GNAS-AS1: variants seen among roughly 807,000 people sequenced by gnomAD.
GNAS-AS1 encodes the protein GNAS antisense RNA 1, also known as GNAS antisense RNA 1 (non-protein coding).
intron 4 of GNAS-AS1, chr20:58,839,803 CTT>C (rs2085652892): frequency 1.7e-6 from 1 of 585,572 alleles, no homozygotes; most frequent in South Asian, 2.1e-5. Flanking sequence ...TCTCTCGAGT[CTT>C]AGGCTGCGGA....
intron 4 of GNAS-AS1, among the ~76,000 whole-genome samples, chr20:58,820,219 C>T (rs766689182): frequency 5.3e-5 from 8 of 152,250 alleles, no homozygotes; most frequent in East Asian, 1.9e-4. Context: ...AGGTGCTGAC[C>T]GCTGAGCCAC....
At chr20:58,845,147 G>T (rs1322815412) in intron 2 of GNAS-AS1, among the ~76,000 whole-genome samples, 1 of 152,170 alleles carries the variant, frequency 6.6e-6, no homozygotes, top group Non-Finnish European at 1.5e-5. Context: ...ACTGCAGCTT[G>T]GAGAGGCTAA....
chr20:58,830,480 AC>A (rs1438053020), intron 4 of GNAS-AS1, among the ~76,000 whole-genome samples: 3 of 66,104 alleles, frequency 4.5e-5, no homozygotes, highest in Non-Finnish European at 3.0e-5. Context: ...CACCATCATC[AC>A]CATCACCACC....
chr20:58,823,942 A>G, intron 4 of GNAS-AS1: 1 of 398,566 alleles, frequency 2.5e-6, no homozygotes. Context: ...GGTCCAGCAC[A>G]ATGCCCAGCA....
chr20:58,823,582 CAA>C (rs2085500618), intron 4 of GNAS-AS1, among the ~76,000 whole-genome samples: 1 of 152,254 alleles, frequency 6.6e-6, no homozygotes, highest in African/African-American at 2.4e-5. Flanking sequence ...TAATACAGTG[CAA>C]AGAGGCCCAG....
chr20:58,848,493 C>T (rs1367239549), intron 2 of GNAS-AS1, among the ~76,000 whole-genome samples: 1 of 152,214 alleles, frequency 6.6e-6, no homozygotes, highest in Non-Finnish European at 1.5e-5. Context: ...CCATCCAGCA[C>T]TGGAAAGCTA....
At chr20:58,842,236 A>G (rs1199303521) in intron 3 of GNAS-AS1, 15 of 398,412 alleles carry the variant, frequency 3.8e-5, no homozygotes, top group Non-Finnish European at 5.8e-5. Context: ...AAGACTGATA[A>G]GTGAAATGTC....
At chr20:58,839,102 T>A (rs879320966) in intron 4 of GNAS-AS1, 22 of 398,344 alleles carry the variant, frequency 5.5e-5, no homozygotes, top group Non-Finnish European at 9.3e-5. Flanking sequence ...CCTTCTCAGC[T>A]CAATCGAGCT....
chr20:58,824,570 G>T (rs771995756), intron 4 of GNAS-AS1, among the ~76,000 whole-genome samples: 2 of 152,044 alleles, frequency 1.3e-5, no homozygotes, highest in Admixed American at 6.6e-5. Context: ...GTCCGAATAC[G>T]TACTTTTAAA....
intron 4 of GNAS-AS1, chr20:58,839,114 A>G: frequency 2.5e-6 from 1 of 398,506 alleles, no homozygotes; most frequent in Non-Finnish European, 4.4e-6. Flanking sequence ...AATCGAGCTC[A>G]GGGCAGTCCT....
chr20:58,850,561 GC>G, exon 1 of GNAS-AS1: 1 of 398,812 alleles, frequency 2.5e-6, no homozygotes, highest in Non-Finnish European at 4.4e-6. Flanking sequence ...CATCCCTGGG[GC>G]CTCAACTCCT....
At chr20:58,847,987 C>T (rs904927816) in intron 2 of GNAS-AS1, among the ~76,000 whole-genome samples, 1 of 152,182 alleles carries the variant, frequency 6.6e-6, no homozygotes. Context: ...TTCCAAGGAA[C>T]GGGGCTGTAA....
Position 58,840,291 on chromosome 20 carries a change from G to A in GNAS-AS1, n.819+1646C>T. On this transcript the variant is annotated intron_variant and non_coding_transcript_variant, in intron 4 of 4. Coordinates refer to ENST00000424094, the Ensembl canonical transcript of GNAS-AS1. This position sits in a 1 kb window ranked among gnomAD's most constrained non-coding sequence, Gnocchi z 6.0. ...CAGCGCGCGGCTGCCCAACAGCGCC[G>A]GAGCTTCCTTAACGCCCACCACCGC... 3 of 1,612,530 alleles carry A rather than the reference G, an allele frequency of 1.9e-6. No homozygotes were observed. The highest frequency in any genetic ancestry group is 2.5e-6 in the Non-Finnish European group (3 of 1,179,966).
At chr20:58,823,860 T>C (rs1019355992) in intron 4 of GNAS-AS1, among the ~76,000 whole-genome samples, 27 of 152,204 alleles carry the variant, frequency 1.8e-4, no homozygotes, top group Admixed American at 1.8e-3. Flanking sequence ...TCTGCTCCCC[T>C]AACCGCGCCA....
At position 58,841,075 on chromosome 20, in the gene GNAS-AS1, C is replaced by T. The variant is rs1275441904; in HGVS notation, n.819+862G>A. Among the ~76,000 whole-genome samples the T allele has an allele frequency of 6.6e-6, 1 of 152,036 alleles. No homozygotes were observed. The highest frequency in any genetic ancestry group is 1.5e-5 in the Non-Finnish European group (1 of 68,006). On this transcript the variant is annotated intron_variant and non_coding_transcript_variant, in intron 4 of 4. Coordinates refer to ENST00000424094, the Ensembl canonical transcript of GNAS-AS1. This position sits in a 1 kb window ranked among gnomAD's most constrained non-coding sequence, Gnocchi z 5.0. ...CAAACTTCCCAGGATGCCAGGGGCGCCCTGGTGGCCAAAGGCTTGTTGGAC... is the reference window on the plus strand; with the variant it reads ...CAAACTTCCCAGGATGCCAGGGGCGTCCTGGTGGCCAAAGGCTTGTTGGAC...
chr20:58,826,251 G>T (rs773129243), intron 4 of GNAS-AS1: 1 of 393,962 alleles, frequency 2.5e-6, no homozygotes. Context: ...ACATTTTTTT[G>T]CAATGTTGTC....
At position 58,838,515 on chromosome 20, in the gene GNAS-AS1, T is replaced by C. The variant is rs1311009269; in HGVS notation, n.819+3422A>G. 3.9e-5 allele frequency among the ~76,000 whole-genome samples: 6 copies of C among 152,158 alleles called. No homozygotes were observed. The South Asian group carries it at 6.2e-4, about 16-fold the overall frequency. The stretch of plus-strand genomic sequence containing the variant: ...AAATTAATCCAAAATATCCTTTCCT[T>C]AATACAATACTTTTGTTGTTGTTGT... On this transcript the variant is annotated intron_variant and non_coding_transcript_variant, in intron 4 of 4. Coordinates refer to ENST00000424094, the Ensembl canonical transcript of GNAS-AS1.
At chr20:58,826,218 TAG>T (rs2085519157) in intron 4 of GNAS-AS1, 1 of 397,214 alleles carries the variant, frequency 2.5e-6, no homozygotes, top group Non-Finnish European at 4.4e-6. Context: ...GAATTATTTG[TAG>T]AGTTATGTGA....
At chr20:58,821,028 C>T (rs1012294060) in intron 4 of GNAS-AS1, among the ~76,000 whole-genome samples, 2 of 152,210 alleles carry the variant, frequency 1.3e-5, no homozygotes, top group African/African-American at 2.4e-5. Context: ...CACAAGAATC[C>T]CATCTCCTAG....
Sources: allele counts gnomAD v4.1 joint callset (sites outside exome capture counted in the v4.1 genomes callset), GRCh38; gene constraint gnomAD v4.1.1; non-coding constraint Gnocchi (gnomAD v3.1); transcripts MANE v1.5; gene names NCBI Gene and HGNC (gene_info 2026-07-23, HGNC 2026-07-21).